KREMEN1: variants seen among roughly 807,000 people sequenced by gnomAD.
KREMEN1 encodes the protein kringle containing transmembrane protein 1, also known as kremen protein 1.
Under a neutral mutation model 46.5 loss-of-function variants are expected in KREMEN1, and 30 were observed. That is an observed-to-expected ratio of 0.65 (90% CI 0.48 to 0.88). KREMEN1 has a LOEUF of 0.88. Among genes scored for constraint, KREMEN1 ranks in the 40% least tolerant of loss-of-function variants. The pLI is 0.00. For synonymous variants in KREMEN1, 214 were observed against 230.6 expected (o/e 0.93, Z 0.65); for missense variants, 533 against 596.9 (o/e 0.89, Z 1.11).
At chr22:29,153,070 G>T (rs1305322680) in intron 9 of KREMEN1, among the ~76,000 whole-genome samples, 1 of 152,244 alleles carries the variant, frequency 6.6e-6, no homozygotes, top group African/African-American at 2.4e-5. Flanking sequence ...AGACCATATA[G>T]GGTAACTTCC....
At chr22:29,149,492 T>C (rs1313469418), downstream of KREMEN1, among the ~76,000 whole-genome samples, 1 of 152,144 alleles carries the variant, frequency 6.6e-6, no homozygotes, top group Non-Finnish European at 1.5e-5. Context: ...CAGCTTCACT[T>C]GACTGTTTAT....
At chr22:29,118,355 A>G (rs944160113) in intron 3 of KREMEN1, among the ~76,000 whole-genome samples, 5 of 152,212 alleles carry the variant, frequency 3.3e-5, no homozygotes, top group African/African-American at 1.2e-4. Flanking sequence ...TCAGCAGTCC[A>G]GCTCACACTC....
At chr22:29,156,936 T>C (rs1465173927) in intron 9 of KREMEN1, among the ~76,000 whole-genome samples, 1 of 152,246 alleles carries the variant, frequency 6.6e-6, no homozygotes, top group Non-Finnish European at 1.5e-5. Flanking sequence ...AAATAAAGCC[T>C]GTGCTGCCAT....
intron 3 of KREMEN1, among the ~76,000 whole-genome samples, chr22:29,119,348 G>T (rs2038294177): frequency 6.6e-6 from 1 of 152,102 alleles, no homozygotes; most frequent in Admixed American, 6.5e-5. Flanking sequence ...CTCTCCAAAT[G>T]GCATCTTTTA....
chr22:29,130,895 A>G (rs1706076714), intron 5 of KREMEN1, among the ~76,000 whole-genome samples: 3 of 152,228 alleles, frequency 2.0e-5, no homozygotes, highest in Admixed American at 2.0e-4. Context: ...CTATATTTCA[A>G]GTTTCCTGTT....
chr22:29,074,699 T>C (rs575380884), intron 1 of KREMEN1, among the ~76,000 whole-genome samples: 2 of 152,334 alleles, frequency 1.3e-5, no homozygotes, highest in African/African-American at 4.8e-5. Context: ...ATTTTGCTGG[T>C]GTAAGAAAAC....
At chr22:29,084,279 G>T (rs2145743623) in intron 1 of KREMEN1, among the ~76,000 whole-genome samples, 1 of 152,114 alleles carries the variant, frequency 6.6e-6, no homozygotes, top group Admixed American at 6.6e-5. Flanking sequence ...TTCGTGACCT[G>T]TGTCTTGTGC....
In KREMEN1 at chr22:29,111,292, G is replaced by A. The variant is rs546650539; in HGVS notation, c.353-10065G>A. Among the ~76,000 whole-genome samples the A allele has an allele frequency of 2.0e-5, 3 of 149,464 alleles. No homozygotes were observed. In the East Asian group the frequency reaches 5.9e-4, roughly 30 times the overall value. On this transcript the variant is annotated intron_variant, in intron 3 of 8. Coordinates refer to ENST00000400335, the MANE Select transcript of KREMEN1 (RefSeq NM_001039570.3). ...ACTGCACTCCAGCCTGGGCAACAGA[G>A]TGAGACCCTGTCTCTATTAAAAAAA...
intron 5 of KREMEN1, among the ~76,000 whole-genome samples, chr22:29,131,384 CA>C (rs1393968186): frequency 2.0e-5 from 3 of 150,242 alleles, no homozygotes; most frequent in Non-Finnish European, 4.4e-5. Flanking sequence ...TTGTATACTT[CA>C]GTGGGATTTG....
chr22:29,136,724 C>T (rs549599615), intron 5 of KREMEN1, among the ~76,000 whole-genome samples: 4 of 152,244 alleles, frequency 2.6e-5, no homozygotes, highest in East Asian at 1.9e-4. Context: ...CCAGAGAAAG[C>T]AAATGTGCCC....
chr22:29,084,864 A>C lies in KREMEN1; in HGVS notation c.98-9394A>C, dbSNP rs150429717. Among the ~76,000 whole-genome samples, 368 of 152,352 alleles carry C rather than the reference A, an allele frequency of 2.4e-3. 5 individuals carry two copies. Among genetic ancestry groups the C allele is most frequent in the Admixed American group, 0.02 (299 of 15,308 alleles). On this transcript the variant is annotated intron_variant, in intron 1 of 8. Transcript: ENST00000400335. The stretch of plus-strand genomic sequence containing the variant: ...TTCCAAAAGTATAAATTCTTTAGTT[A>C]AAGTATCTTTGAGAGGCATGGCCTT...
At chr22:29,094,519 G>T in intron 2 of KREMEN1, 99 bp downstream of exon 2, 2 of 1,033,356 alleles carry the variant, frequency 1.9e-6, no homozygotes, top group South Asian at 3.4e-5. Context: ...GAAGTCTTTT[G>T]ACCAACTCAA....
intron 3 of KREMEN1, among the ~76,000 whole-genome samples, chr22:29,102,063 G>C (rs1051064183): frequency 6.6e-6 from 1 of 152,200 alleles, no homozygotes; most frequent in African/African-American, 2.4e-5. Flanking sequence ...TGAGGAAAAA[G>C]ACAGTGAATT....
rs2145861052 is a variant in KREMEN1 at position 29,145,507 on chromosome 22, C to G, written c.*3395C>G. Reference sequence around the variant, plus strand: ...TGGTACCTGTGCCAACAGGAGAGCCCTCACCAGCCGATCTTGTCACTCTCC... The same window carrying G: ...TGGTACCTGTGCCAACAGGAGAGCCGTCACCAGCCGATCTTGTCACTCTCC... On this transcript the variant is annotated 3_prime_UTR_variant, in exon 9 of 9. Coordinates refer to ENST00000400335, the MANE Select transcript of KREMEN1 (RefSeq NM_001039570.3). 1 of 985,590 alleles carries G rather than the reference C, an allele frequency of 1.0e-6. No homozygotes were observed. Among genetic ancestry groups the G allele is most frequent in the East Asian group, 1.1e-4 (1 of 8,806 alleles). 61.1% of individuals were successfully genotyped at this position (985,590 alleles called of 1,614,324 possible). A position where few individuals can be genotyped will look rare whatever the true frequency, so the allele number is the denominator to read the frequency against.
intron 3 of KREMEN1, among the ~76,000 whole-genome samples, chr22:29,106,629 G>A (rs1441860268): frequency 3.3e-5 from 5 of 152,126 alleles, no homozygotes; most frequent in Non-Finnish European, 4.4e-5. Flanking sequence ...AGTCAAACAG[G>A]ATTTTTGACC....
downstream of KREMEN1, among the ~76,000 whole-genome samples, chr22:29,151,780 T>C (rs1172110537): frequency 6.6e-6 from 1 of 151,938 alleles, no homozygotes; most frequent in East Asian, 1.9e-4. Flanking sequence ...GAGGCTGAGG[T>C]GGGTGGATCA....
At chr22:29,157,704 G>A (rs1484856857) in intron 9 of KREMEN1, among the ~76,000 whole-genome samples, 1 of 152,202 alleles carries the variant, frequency 6.6e-6, no homozygotes, top group Non-Finnish European at 1.5e-5. Flanking sequence ...CTGAAAACAC[G>A]GAGGCTGGTG....
Position 29,098,868 on chromosome 22 carries a change from A to G in KREMEN1, c.267A>G (p.Pro89=). The G allele has an allele frequency of 6.2e-7, 1 of 1,613,472 alleles. No individual in the cohort carries two copies. ...GLGEHNYCRN[P]DGDVSPWCYV... ...GTGTCCTTTTCCCCAACAGAAATCC[A>G]GATGGAGACGTGAGCCCCTGGTGCT... Residue 89 remains proline (P), a synonymous_variant, in exon 3 of 9, where the codon CCA becomes CCG. Coordinates refer to ENST00000400335, the MANE Select transcript of KREMEN1 (RefSeq NM_001039570.3).
intron 5 of KREMEN1, among the ~76,000 whole-genome samples, chr22:29,134,864 A>G (rs2038631813): frequency 6.6e-6 from 1 of 151,618 alleles, no homozygotes; most frequent in Non-Finnish European, 1.5e-5. Context: ...AGGAGTTCCC[A>G]CATGCCTGTG....
Sources: gnomAD v4.1 joint callset for allele counts (sites outside exome capture counted in the v4.1 genomes callset) on GRCh38, gnomAD v4.1.1 for gene constraint, MANE v1.5 for transcripts, NCBI Gene and HGNC (gene_info 2026-07-23, HGNC 2026-07-21) for gene names.